Variants in PCSK5 observed in about 807,000 individuals in gnomAD.
PCSK5 encodes proprotein convertase subtilisin/kexin type 5.
In PCSK5, 129 loss-of-function variants were observed where a neutral mutation model predicts 233.2. The ratio of observed to expected loss-of-function variants is 0.55; its 90% CI spans 0.48 to 0.64. The LOEUF is 0.64. PCSK5 is among the 30% of genes least tolerant of loss of function. The pLI, the probability that PCSK5 is intolerant of heterozygous loss-of-function variation, is 0.00. For synonymous variants in PCSK5, 825 were observed against 879.2 expected (o/e 0.94, Z 1.09); for missense variants, 2,076 against 2,430.1 (o/e 0.85, Z 3.06).
chr9:76,027,785 A>T (rs1388861420), intron 5 of PCSK5, among the ~76,000 whole-genome samples: 1 of 151,988 alleles, frequency 6.6e-6, no homozygotes, highest in Non-Finnish European at 1.5e-5. Flanking sequence ...AATCACAGTA[A>T]TTTTTTTCCC....
intron 24 of PCSK5, among the ~76,000 whole-genome samples, chr9:76,274,539 T>G (rs1024685233): frequency 6.6e-6 from 1 of 152,140 alleles, no homozygotes; most frequent in Non-Finnish European, 1.5e-5. Context: ...TGGGTTAAGA[T>G]TATATTTTTT....
intron 2 of PCSK5, among the ~76,000 whole-genome samples, chr9:75,947,496 T>A (rs1368953114): frequency 6.7e-5 from 10 of 149,126 alleles, no homozygotes; most frequent in African/African-American, 2.2e-4. Flanking sequence ...CCAAGAAAAA[T>A]TAAAAAAAAA....
At chr9:76,286,977 A>G (rs566979919) in intron 24 of PCSK5, 108 of 220,296 alleles carry the variant, frequency 4.9e-4, no homozygotes, top group Admixed American at 4.3e-3. Context: ...GTCTCTGCAC[A>G]ACAGGGATTG....
intron 24 of PCSK5, among the ~76,000 whole-genome samples, chr9:76,281,346 A>G (rs10121789): frequency 0.13 from 20,034 of 152,154 alleles, 1,825 homozygotes; most frequent in African/African-American, 0.26. Context: ...TAAAGCCAGT[A>G]TTCACTTATC....
intron 24 of PCSK5, among the ~76,000 whole-genome samples, chr9:76,258,139 T>C (rs1489433948): frequency 6.6e-6 from 1 of 152,108 alleles, no homozygotes; most frequent in Non-Finnish European, 1.5e-5. Flanking sequence ...CATGGCATTA[T>C]CTCCAGAGGG....
At chr9:76,150,814 C>T (rs959140355) in intron 10 of PCSK5, among the ~76,000 whole-genome samples, 1 of 151,846 alleles carries the variant, frequency 6.6e-6, no homozygotes, top group Non-Finnish European at 1.5e-5. Context: ...TAAGAGTACG[C>T]GAAGAAGAGG....
chr9:75,997,487 C>T (rs896058275), intron 3 of PCSK5, among the ~76,000 whole-genome samples: 1 of 152,162 alleles, frequency 6.6e-6, no homozygotes, highest in African/African-American at 2.4e-5. Flanking sequence ...GATAGGCTGC[C>T]TCAGCCTAAG....
rs999391977 is a variant in PCSK5 at position 76,007,337 on chromosome 9, A to G, written c.412-16401A>G. 3.3e-5 allele frequency among the ~76,000 whole-genome samples: 5 copies of G among 152,088 alleles called. No homozygotes were observed. The East Asian group carries it at 7.7e-4, about 23-fold the overall frequency. On this transcript the variant is annotated intron_variant, in intron 3 of 37. Coordinates refer to ENST00000674117, the MANE Select transcript of PCSK5 (RefSeq NM_001372043.1). ...TAGTAGAATTTTAATCAACTGCAAT[A>G]TTTTGATTCTCTTTTTATACTTTGT...
intron 24 of PCSK5, among the ~76,000 whole-genome samples, chr9:76,241,495 C>T (rs1826430775): frequency 6.6e-6 from 1 of 152,128 alleles, no homozygotes; most frequent in African/African-American, 2.4e-5. Context: ...CCTAAGACAA[C>T]CCTTAGAGAA....
At chr9:76,310,884 G>A (rs538278840) in intron 30 of PCSK5, 33 bp downstream of exon 30, 4 of 1,393,770 alleles carry the variant, frequency 2.9e-6, no homozygotes, top group East Asian at 2.4e-5. Flanking sequence ...CTTCCTGCTT[G>A]TAATCACTCT....
At chr9:75,962,353 G>C (rs1825390118) in intron 2 of PCSK5, among the ~76,000 whole-genome samples, 1 of 152,222 alleles carries the variant, frequency 6.6e-6, no homozygotes, top group South Asian at 2.1e-4. Flanking sequence ...CTTCACACCA[G>C]GCCTGGCAAC....
At chr9:75,909,541 C>A (rs962261027) in intron 1 of PCSK5, among the ~76,000 whole-genome samples, 3 of 151,738 alleles carry the variant, frequency 2.0e-5, no homozygotes, top group African/African-American at 7.3e-5. Context: ...ACTAAAAATA[C>A]AAAATTATCC....
At chr9:75,903,130 A>G (rs2131205488) in intron 1 of PCSK5, among the ~76,000 whole-genome samples, 2 of 152,298 alleles carry the variant, frequency 1.3e-5, no homozygotes, top group Middle Eastern at 6.8e-3. Flanking sequence ...TACGTATTTT[A>G]TATAGTACAA....
chr9:76,025,919 C>T (rs10869678), intron 4 of PCSK5, among the ~76,000 whole-genome samples: 17,119 of 151,814 alleles, frequency 0.11, 1,096 homozygotes, highest in East Asian at 0.27. Flanking sequence ...TTTTAAAATA[C>T]CAAAATAATT....
chr9:76,009,993 T>C lies in PCSK5; in HGVS notation c.412-13745T>C, dbSNP rs186817890. Among the ~76,000 whole-genome samples, 953 of 151,220 alleles carry C rather than the reference T, an allele frequency of 6.3e-3. 11 individuals are homozygous for C. The highest frequency in any genetic ancestry group is 0.021 in the African/African-American group (846 of 40,552). On this transcript the variant is annotated intron_variant, in intron 3 of 37. Coordinates refer to ENST00000674117, the MANE Select transcript of PCSK5 (RefSeq NM_001372043.1). ...TGCACCAGGCCTGAAGAAAGAGGTATACCAGTGACCCAGTTTTAGCCAAAT... is the reference window on the plus strand; with the variant it reads ...TGCACCAGGCCTGAAGAAAGAGGTACACCAGTGACCCAGTTTTAGCCAAAT...
At position 76,358,534 on chromosome 9, in the gene PCSK5, G is replaced by A. The variant is rs375377766; in HGVS notation, c.5276G>A (p.Ser1759Asn). ...ACAGACGAATGCATCCTTCGAACAA[G>A]CAAGGTTAGGCCTGCAACTGAGCAT... ...DTTDECILRT[S>N]KVRPATEHFK... The change falls in exon 38 of 38, where the codon AGC becomes AAC. Residue 1759 changes from serine to asparagine, a missense_variant. By Grantham distance (46) the Ser-to-Asn change is conservative (BLOSUM62 1). Around this residue, in one of 6 missense-constraint regions of PCSK5, gnomAD observed 1,510 missense variants for 1,538.1 expected, o/e 0.98. Transcript: ENST00000674117. 3.5e-5 allele frequency: 56 copies of A among 1,611,050 alleles called. No individual in the cohort carries two copies. The highest frequency in any genetic ancestry group is 4.3e-5 in the Non-Finnish European group (51 of 1,178,540).
At chr9:76,234,171 C>A (rs886170785) in intron 22 of PCSK5, among the ~76,000 whole-genome samples, 1 of 152,104 alleles carries the variant, frequency 6.6e-6, no homozygotes, top group Non-Finnish European at 1.5e-5. Context: ...TGTCCCCTAC[C>A]GACCTCATGT....
chr9:75,940,644 G>A (rs1824259782), intron 2 of PCSK5, among the ~76,000 whole-genome samples: 1 of 152,216 alleles, frequency 6.6e-6, no homozygotes, highest in African/African-American at 2.4e-5. Flanking sequence ...TGCCTCAAGA[G>A]TAAAATAGGT....
intron 9 of PCSK5, among the ~76,000 whole-genome samples, chr9:76,120,909 A>G (rs978803853): frequency 2.0e-5 from 3 of 152,046 alleles, no homozygotes; most frequent in Non-Finnish European, 4.4e-5. Context: ...GAGTTTTTTC[A>G]TCTGAAATTT....
Sources: gnomAD v4.1 joint callset for allele counts (sites outside exome capture counted in the v4.1 genomes callset) on GRCh38, gnomAD v4.1.1 for gene constraint, gnomAD v4.1.1 regional missense constraint, MANE v1.5 for transcripts, NCBI Gene and HGNC (gene_info 2026-07-23, HGNC 2026-07-21) for gene names.